The following EMP2 variants were observed in gnomAD, a reference collection of about 807,000 sequenced individuals.
EMP2 encodes the protein epithelial membrane protein 2.
In EMP2, 19 loss-of-function variants were observed where a neutral mutation model predicts 13.7. The observed-to-expected ratio is 1.38, with a 90% confidence interval of 0.97 to 2.03. The LOEUF (loss-of-function observed/expected upper bound fraction) is 2.03, where lower values mean the gene tolerates loss of function less well. Among genes scored for constraint, EMP2 ranks in the 30% most tolerant of loss-of-function variants. The pLI is 0.00. For synonymous variants in EMP2, 97 were observed against 84.7 expected, an observed-to-expected ratio of 1.15 and a Z score of -0.80; for missense variants, 253 against 220.7, an observed-to-expected ratio of 1.15 and a Z score of -0.93.
intron 4 of EMP2, among the ~76,000 whole-genome samples, chr16:10,535,802 C>G (rs1335271207): frequency 6.6e-6 from 1 of 152,166 alleles, no homozygotes; most frequent in Non-Finnish European, 1.5e-5. Context: ...GATACAGAGA[C>G]AGTAAAGGAG....
chr16:10,533,284 T>C (rs920271478), intron 4 of EMP2, among the ~76,000 whole-genome samples, 192 bp from the exon 5 acceptor site: 1 of 152,296 alleles, frequency 6.6e-6, no homozygotes, highest in African/African-American at 2.4e-5. Flanking sequence ...GCAATCCTCC[T>C]GCCTCGGCCT....
intron 2 of EMP2, chr16:10,545,364 C>T (rs2050731677): frequency 6.6e-6 from 1 of 152,222 alleles, no homozygotes; most frequent in Non-Finnish European, 1.5e-5. Flanking sequence ...TGGACTGGTA[C>T]CTGTCTGTAG....
In EMP2 at chr16:10,553,264, C is replaced by T. The variant is rs183783304; in HGVS notation, c.-60-5587G>A. 8.5e-5 allele frequency among the ~76,000 whole-genome samples: 13 copies of T among 152,364 alleles called. No individual in the cohort carries two copies. In the East Asian group the frequency reaches 2.3e-3, roughly 27 times the overall value. On this transcript the variant is annotated intron_variant, in intron 1 of 4. Coordinates refer to ENST00000359543, the MANE Select transcript of EMP2 (RefSeq NM_001424.6). ...GCCACTGCCCTCTTAGAGGCAACCA[C>T]GCTTCTCAGTTTCCTGTGCCTCCTT...
chr16:10,541,463 G>A lies in EMP2; in HGVS notation c.169+2107C>T, dbSNP rs556008381. ...ATGTAAAAACTGTTCTTAGCTCCCC[G>A]GCCAAACAAAAACAGGCCTTGGACT... On this transcript the variant is annotated intron_variant, in intron 3 of 4. Coordinates refer to ENST00000359543, the MANE Select transcript of EMP2 (RefSeq NM_001424.6). Among the ~76,000 whole-genome samples the A allele has an allele frequency of 1.3e-3, 194 of 152,024 alleles. 1 individual carries two copies. The highest frequency in any genetic ancestry group is 4.2e-3 in the African/African-American group (175 of 41,452).
intron 4 of EMP2, among the ~76,000 whole-genome samples, 189 bp downstream of exon 4, chr16:10,537,738 CT>C (rs1389294931): frequency 4.0e-5 from 6 of 151,356 alleles, no homozygotes; most frequent in Non-Finnish European, 8.8e-5. Context: ...AAACGTCCCA[CT>C]GTGGTACAGC....
intron 1 of EMP2, among the ~76,000 whole-genome samples, chr16:10,557,938 G>A (rs922976202): frequency 6.6e-6 from 1 of 152,096 alleles, no homozygotes; most frequent in Non-Finnish European, 1.5e-5. Flanking sequence ...AGGAACAAGA[G>A]GGAGGAGAAA....
intron 1 of EMP2, among the ~76,000 whole-genome samples, chr16:10,567,219 T>C (rs2050912097): frequency 6.6e-6 from 1 of 152,212 alleles, no homozygotes; most frequent in Non-Finnish European, 1.5e-5. Context: ...CACTGCTCTG[T>C]CCCCGTGCCC....
Position 10,532,247 on chromosome 16 carries a change from G to A in EMP2, c.*658C>T, listed in dbSNP as rs1156326309. 6.5e-6 allele frequency: 1 copy of A among 154,654 alleles called. No homozygotes were observed. The highest frequency in any genetic ancestry group is 1.5e-5 in the Non-Finnish European group (1 of 68,238). 9.6% of individuals were successfully genotyped at this position (154,654 alleles called of 1,614,324 possible). ...TTTGCCTAAAGACGAGTCTAAATCTGGCACGCAGGTTAAGGATGACCATTC... is the reference window on the plus strand; with the variant it reads ...TTTGCCTAAAGACGAGTCTAAATCTAGCACGCAGGTTAAGGATGACCATTC... On this transcript the variant is annotated 3_prime_UTR_variant, in exon 5 of 5. Transcript: ENST00000359543.
chr16:10,560,753 G>T (rs934474127), intron 1 of EMP2, among the ~76,000 whole-genome samples: 1 of 152,186 alleles, frequency 6.6e-6, no homozygotes, highest in Admixed American at 6.5e-5. Context: ...GGTCTCTAAG[G>T]ATGGGCGGAG....
intron 2 of EMP2, 155 bp downstream of exon 2, chr16:10,547,385 A>G (rs1011225327): frequency 5.1e-6 from 4 of 781,594 alleles, no homozygotes; most frequent in South Asian, 2.0e-5. Flanking sequence ...CCTCCCAGAC[A>G]TGTGGAATTG....
At chr16:10,569,587 T>C (rs2050932802) in intron 1 of EMP2, among the ~76,000 whole-genome samples, 1 of 152,192 alleles carries the variant, frequency 6.6e-6, no homozygotes, top group Non-Finnish European at 1.5e-5. Context: ...CCCAAAGTGC[T>C]GAGTTTACAG....
chr16:10,565,161 T>C (rs2050898847), intron 1 of EMP2, among the ~76,000 whole-genome samples: 1 of 152,180 alleles, frequency 6.6e-6, no homozygotes. Flanking sequence ...TGAAAGAGAA[T>C]TTAAAAGGGA....
intron 1 of EMP2, among the ~76,000 whole-genome samples, chr16:10,568,850 A>T (rs974700500): frequency 7.5e-6 from 1 of 133,472 alleles, no homozygotes; most frequent in African/African-American, 2.9e-5. Flanking sequence ...ACAGTGGCGC[A>T]ATGTCGGCTC....
intron 1 of EMP2, among the ~76,000 whole-genome samples, chr16:10,561,579 GC>G (rs1377971729): frequency 6.6e-6 from 1 of 152,180 alleles, no homozygotes; most frequent in Non-Finnish European, 1.5e-5. Context: ...GGGAGAATTA[GC>G]TCATTGGCCG....
At chr16:10,544,797 A>T (rs1453117208) in intron 2 of EMP2, 1 of 152,258 alleles carries the variant, frequency 6.6e-6, no homozygotes, top group African/African-American at 2.4e-5. Flanking sequence ...AGGTGGGAGG[A>T]TCGCTTGAGC....
chr16:10,577,190 G>T (rs1436776244), intron 1 of EMP2, among the ~76,000 whole-genome samples: 1 of 152,150 alleles, frequency 6.6e-6, no homozygotes, highest in Non-Finnish European at 1.5e-5. Context: ...GTCATACTGG[G>T]ACTTCTAAGG....
rs763459541 is a variant in EMP2 at position 10,543,558 on chromosome 16, A to G, written c.169+12T>C. 1.2e-6 allele frequency: 2 copies of G among 1,614,000 alleles called. No individual in the cohort carries two copies. The highest frequency in any genetic ancestry group is 1.7e-6 in the Non-Finnish European group (2 of 1,179,814). ...CAGTGCTTCTCAGTCAGCTTCCTTC[A>G]TTCACACTTACCTTGAAAGCTGTCA... On this transcript the variant is annotated intron_variant, in intron 3 of 4. Coordinates refer to ENST00000359543, the MANE Select transcript of EMP2 (RefSeq NM_001424.6).
intron 1 of EMP2, among the ~76,000 whole-genome samples, chr16:10,560,706 C>T (rs1366547810): frequency 1.3e-5 from 2 of 152,164 alleles, no homozygotes; most frequent in African/African-American, 2.4e-5. Context: ...GTGGGAGCAG[C>T]ATCAGAAGCT....
chr16:10,537,114 T>G (rs1246779330), intron 4 of EMP2, among the ~76,000 whole-genome samples: 1 of 152,152 alleles, frequency 6.6e-6, no homozygotes, highest in East Asian at 1.9e-4. Flanking sequence ...ATTTCTTGCC[T>G]TCATCAAGCC....
Sources: gnomAD v4.1 joint callset for allele counts (sites outside exome capture counted in the v4.1 genomes callset) on GRCh38, gnomAD v4.1.1 for gene constraint, MANE v1.5 for transcripts, NCBI Gene and HGNC (gene_info 2026-07-23, HGNC 2026-07-21) for gene names.